ADGRF3: variants seen among roughly 807,000 people sequenced by gnomAD.
The protein encoded by ADGRF3 is G protein-coupled receptor 113.
ADGRF3 carries 85 observed loss-of-function variants against 93.2 expected under a neutral mutation model. The observed-to-expected ratio is 0.91, with a 90% confidence interval of 0.77 to 1.09. The LOEUF (loss-of-function observed/expected upper bound fraction) is 1.09, where lower values mean the gene tolerates loss of function less well. Ranked by LOEUF, ADGRF3 falls within the 50% of genes least tolerant of loss-of-function variation. ADGRF3 has a pLI of 0.00. For missense variants in ADGRF3, 1,125 were observed against 1,246.2 expected (o/e 0.90, Z 1.46); for synonymous variants, 534 against 532.5 (o/e 1.00, Z -0.04).
chr2:26,331,833 CAGTT>C (rs879538591), intron 1 of ADGRF3, among the ~76,000 whole-genome samples: 4 of 151,618 alleles, frequency 2.6e-5, no homozygotes, highest in Admixed American at 6.6e-5. Context: ...TTTTTTTAAT[CAGTT>C]AGACTACCCT....
At chr2:26,343,159 G>T (rs1163694007) in intron 1 of ADGRF3, among the ~76,000 whole-genome samples, 1 of 152,266 alleles carries the variant, frequency 6.6e-6, no homozygotes, top group East Asian at 1.9e-4. Flanking sequence ...CTAGATGACA[G>T]AAATTTTTCA....
At chr2:26,322,280 C>T in intron 1 of ADGRF3, among the ~76,000 whole-genome samples, 1 of 121,180 alleles carries the variant, frequency 8.3e-6, no homozygotes, top group East Asian at 3.6e-4. Context: ...AAGAATCTGT[C>T]TCAAAAAAAA....
rs561987043 is a variant in ADGRF3 at position 26,309,813 on chromosome 2, C to T, written c.2937+230G>A. On this transcript the variant is annotated intron_variant, in intron 12 of 13. Transcript: ENST00000651242. ...ATGGAGAAACCAGAGAAAAGAGAGT[C>T]AGCAGGAGTCCAGGTGATAATCAGG... 3 of 1,072,934 alleles carry T rather than the reference C, an allele frequency of 2.8e-6. No individual in the cohort carries two copies. In the Admixed American group the frequency reaches 7.8e-5, roughly 28 times the overall value. 66.5% of individuals were successfully genotyped at this position (1,072,934 alleles called of 1,614,324 possible). A position where few individuals can be genotyped will look rare whatever the true frequency, so the allele number is the denominator to read the frequency against.
At chr2:26,315,462 C>T (rs752095363) in intron 5 of ADGRF3, 60 bp downstream of exon 5, 25 of 1,502,390 alleles carry the variant, frequency 1.7e-5, no homozygotes, top group African/African-American at 2.8e-5. Flanking sequence ...AGAAGGAAGA[C>T]GAGGATGAAG....
intron 1 of ADGRF3, among the ~76,000 whole-genome samples, chr2:26,327,635 G>A (rs1558395819): frequency 2.0e-5 from 3 of 150,566 alleles, no homozygotes; most frequent in East Asian, 3.9e-4. Flanking sequence ...ACCTGGTGAG[G>A]GCCTTCCTGC....
At chr2:26,309,434 G>A (rs1329051955) in intron 13 of ADGRF3, 92 bp downstream of exon 13, 2 of 1,554,626 alleles carry the variant, frequency 1.3e-6, no homozygotes, top group Non-Finnish European at 1.7e-6. Context: ...AGAAAGAGGA[G>A]GCTTCTCTCC....
chr2:26,316,516 CTGCCTGA>C, intron 3 of ADGRF3, 68 bp from the exon 4 acceptor site: 1 of 1,467,688 alleles, frequency 6.8e-7, no homozygotes, highest in Non-Finnish European at 9.2e-7. Flanking sequence ...GGGCAGACAC[CTGCCTGA>C]TGCCTGAGAG....
At chr2:26,340,039 T>C (rs1225604687) in intron 1 of ADGRF3, among the ~76,000 whole-genome samples, 2 of 152,248 alleles carry the variant, frequency 1.3e-5, no homozygotes, top group Non-Finnish European at 2.9e-5. Context: ...CAAATCATTT[T>C]CTTTCTACCA....
chr2:26,343,510 G>A (rs1676511713), intron 1 of ADGRF3, among the ~76,000 whole-genome samples: 2 of 151,970 alleles, frequency 1.3e-5, no homozygotes, highest in African/African-American at 4.8e-5. Context: ...CGCGATCTCG[G>A]CTCACTGCAA....
At chr2:26,331,620 C>T (rs1302784738) in intron 1 of ADGRF3, among the ~76,000 whole-genome samples, 1 of 152,160 alleles carries the variant, frequency 6.6e-6, no homozygotes, top group Non-Finnish European at 1.5e-5. Context: ...ATCCCAGCTA[C>T]TTGGGAGGCG....
intron 1 of ADGRF3, among the ~76,000 whole-genome samples, chr2:26,327,373 A>G (rs1224106242): frequency 1.3e-5 from 2 of 152,220 alleles, no homozygotes; most frequent in Admixed American, 1.3e-4. Flanking sequence ...CTTGATCTTT[A>G]GTTCCTTCAG....
chr2:26,333,141 G>A (rs1019658875), intron 1 of ADGRF3, among the ~76,000 whole-genome samples: 3 of 151,870 alleles, frequency 2.0e-5, no homozygotes, highest in African/African-American at 7.3e-5. Flanking sequence ...ATACTTCCTC[G>A]ACTTATTGCC....
At position 26,313,408 on chromosome 2, in the gene ADGRF3, G is replaced by T; in HGVS notation, c.1238C>A (p.Ala413Glu). The T allele has an allele frequency of 1.9e-6, 3 of 1,604,304 alleles. No individual in the cohort carries two copies. Among genetic ancestry groups the T allele is most frequent in the Non-Finnish European group, 2.6e-6 (3 of 1,175,840 alleles). The change falls in exon 8 of 14, where the codon GCG becomes GAG. Residue 413 changes from alanine to glutamate, a missense_variant. By Grantham distance (107) the Ala-to-Glu change is moderately radical. Transcript: ENST00000651242. ...WGPVHSSCTD[A>E]RLLALFTRTK... Reference sequence around the variant, plus strand: ...TCTAGTGAACAAGGCCAGGAGCCTCGCATCTGTGCAGCTGCTGTGGACCGG... The same window carrying T: ...TCTAGTGAACAAGGCCAGGAGCCTCTCATCTGTGCAGCTGCTGTGGACCGG...
rs748993105 is a variant in ADGRF3, at chr2:26,310,937, C to G, written c.2587G>C (p.Gly863Arg). 48 of 1,613,422 alleles carry G rather than the reference C, an allele frequency of 3.0e-5. No individual in the cohort carries two copies. In the Middle Eastern group the frequency reaches 4.9e-4, roughly 17 times the overall value. The change falls in exon 10 of 14, where the codon GGG (glycine) becomes CGG (arginine). Residue 863 changes from glycine to arginine, a missense_variant. Transcript: ENST00000651242. ...ACGCCTATGATGGCCAGCACTGGCC[C>G]CACGAAGGTGTATAACGCCCCTCCC... Reference protein sequence around the residue: ...GKGGALYTFVGPVLAIIGVNG... With the variant: ...GKGGALYTFVRPVLAIIGVNG...
At chr2:26,315,256 A>G (rs1298294288) in intron 5 of ADGRF3, among the ~76,000 whole-genome samples, 1 of 152,220 alleles carries the variant, frequency 6.6e-6, no homozygotes, top group Non-Finnish European at 1.5e-5. Flanking sequence ...AGGGTCTCAG[A>G]AGTCCCAGAC....
chr2:26,340,046 A>G (rs1676282567), intron 1 of ADGRF3, among the ~76,000 whole-genome samples: 1 of 152,186 alleles, frequency 6.6e-6, no homozygotes, highest in Non-Finnish European at 1.5e-5. Flanking sequence ...TTTTCTTTCT[A>G]CCAGACTTCG....
At position 26,316,310 on chromosome 2, in the gene ADGRF3, T is replaced by C. The variant is rs1395724488; in HGVS notation, c.464A>G (p.His155Arg). The change falls in exon 4 of 14, where the codon CAT becomes CGT. Residue 155 changes from histidine (H) to arginine (R), a missense_variant. By Grantham distance (29) the His-to-Arg change is conservative. Transcript: ENST00000651242. ...HQPCGCLVFS[H>R]PEPGYCQLLP... ...CAACTGGCAGTACCCGGGTTCGGGA[T>C]GGCTGAAGACAAGGCAGCCACAAGG... is the stretch of plus-strand genomic sequence containing the variant. 1 of 1,551,824 alleles carries C rather than the reference T, an allele frequency of 6.4e-7. No homozygotes were observed. Among genetic ancestry groups the C allele is most frequent in the East Asian group, 2.4e-5 (1 of 40,932 alleles).
chr2:26,345,917 G>A (rs1676703719), intron 1 of ADGRF3: 1 of 557,648 alleles, frequency 1.8e-6, no homozygotes, highest in Non-Finnish European at 3.1e-6. Flanking sequence ...ATGAAGCGAC[G>A]AAGAGAGCTG....
In ADGRF3 at chr2:26,315,753, A is replaced by G. The variant is rs773010557; in HGVS notation, c.500-13T>C. On this transcript the variant is annotated splice_polypyrimidine_tract_variant and intron_variant, in intron 4 of 13. Transcript: ENST00000651242. ...AGGATCCCGGGGACTGCAGGGAGGCAGGTGACAGGGGACCCTGGAGGAGGG... is the reference window on the plus strand; with the variant it reads ...AGGATCCCGGGGACTGCAGGGAGGCGGGTGACAGGGGACCCTGGAGGAGGG... 3.2e-6 allele frequency: 5 copies of G among 1,550,902 alleles called. No homozygotes were observed. The South Asian group carries it at 4.8e-5, about 15-fold the overall frequency.
Sources: gnomAD v4.1 joint callset for allele counts (sites outside exome capture counted in the v4.1 genomes callset) on GRCh38, gnomAD v4.1.1 for gene constraint, MANE v1.5 for transcripts, NCBI Gene and HGNC (gene_info 2026-07-23, HGNC 2026-07-21) for gene names.